Variants in PTPN1 observed in about 807,000 individuals in gnomAD.
The protein encoded by PTPN1 is tyrosine-protein phosphatase non-receptor type 1.
Under a neutral mutation model 59.9 loss-of-function variants are expected in PTPN1, and 12 were observed. That is an observed-to-expected ratio of 0.20 (90% CI 0.13 to 0.32). The LOEUF (loss-of-function observed/expected upper bound fraction) is 0.32, where lower values mean the gene tolerates loss of function less well. Among genes scored for constraint, PTPN1 ranks in the 10% least tolerant of loss-of-function variants. PTPN1 has a pLI of 1.00. For missense variants in PTPN1, 356 were observed against 549.2 expected, an observed-to-expected ratio of 0.65 and a Z score of 3.52; for synonymous variants, 178 against 203.6, an observed-to-expected ratio of 0.87 and a Z score of 1.07.
intron 1 of PTPN1, among the ~76,000 whole-genome samples, chr20:50,517,316 A>G (rs762468640): frequency 2.4e-4 from 36 of 152,268 alleles, no homozygotes; most frequent in Non-Finnish European, 1.2e-4. Context: ...GTGCAGTGGC[A>G]CAATCTTGGC....
intron 1 of PTPN1, among the ~76,000 whole-genome samples, chr20:50,526,357 A>G (rs1478582202): frequency 6.6e-6 from 1 of 152,114 alleles, no homozygotes; most frequent in Admixed American, 6.5e-5. Flanking sequence ...CTGGGATTAC[A>G]GGTGTGAGCC....
intron 6 of PTPN1, 39 bp from the exon 7 acceptor site, chr20:50,579,129 T>C: frequency 6.2e-7 from 1 of 1,606,960 alleles, no homozygotes; most frequent in Non-Finnish European, 8.5e-7. Flanking sequence ...CCCTTGAGAA[T>C]TGGACCTGGC....
chr20:50,530,403 C>T (rs1189402637), intron 1 of PTPN1, among the ~76,000 whole-genome samples: 2 of 152,036 alleles, frequency 1.3e-5, no homozygotes, highest in African/African-American at 4.8e-5. Flanking sequence ...TGTCACCAGG[C>T]TGGAGTATGG....
chr20:50,557,505 G>A (rs867974332), intron 1 of PTPN1, among the ~76,000 whole-genome samples: 9 of 151,908 alleles, frequency 5.9e-5, no homozygotes, highest in South Asian at 4.2e-4. Context: ...CTGCTTCACC[G>A]CCCCCATTTT....
Position 50,583,814 on chromosome 20 carries a change from C to T in PTPN1, c.*1099C>T, listed in dbSNP as rs1212963083. On this transcript the variant is annotated 3_prime_UTR_variant, in exon 10 of 10. Coordinates refer to ENST00000371621, the MANE Select transcript of PTPN1 (RefSeq NM_002827.4). Reference sequence around the variant, plus strand: ...CCAAGGGTATGGGAAGCCATATTCACACCTCACGCTCTGGACATGATTTAG... The same window carrying T: ...CCAAGGGTATGGGAAGCCATATTCATACCTCACGCTCTGGACATGATTTAG... 6.5e-6 allele frequency: 1 copy of T among 152,894 alleles called. No individual in the cohort carries two copies. Among genetic ancestry groups the T allele is most frequent in the Non-Finnish European group, 1.5e-5 (1 of 68,238 alleles). 9.5% of individuals were successfully genotyped at this position (152,894 alleles called of 1,614,324 possible). A position where few individuals can be genotyped will look rare whatever the true frequency, so the allele number is the denominator to read the frequency against.
chr20:50,554,734 G>A (rs1177239192), intron 1 of PTPN1, among the ~76,000 whole-genome samples: 6 of 152,108 alleles, frequency 3.9e-5, no homozygotes, highest in African/African-American at 1.4e-4. Context: ...ACTATTATTT[G>A]AAAGTAGACC....
At chr20:50,565,299 T>C (rs2082773713) in intron 3 of PTPN1, among the ~76,000 whole-genome samples, 1 of 152,228 alleles carries the variant, frequency 6.6e-6, no homozygotes, top group Admixed American at 6.5e-5. Flanking sequence ...TGAGAGCTTA[T>C]AGAAAACAAC....
chr20:50,581,489 G>A (rs201661566), intron 9 of PTPN1, 29 bp downstream of exon 9: 48 of 1,578,866 alleles, frequency 3.0e-5, no homozygotes, highest in African/African-American at 1.3e-4. Flanking sequence ...ACGCGCTGGC[G>A]AGATGCTCGT....
chr20:50,579,349 G>A lies in PTPN1; in HGVS notation c.864+20G>A, dbSNP rs1306059392. Reference sequence around the variant, plus strand: ...GTGCAGGTCAGCATTGCCTTTGTTTGAATCCAGGTGTGACCATTTTAACTT... The same window carrying A: ...GTGCAGGTCAGCATTGCCTTTGTTTAAATCCAGGTGTGACCATTTTAACTT... On this transcript the variant is annotated intron_variant, in intron 7 of 9. Transcript: ENST00000371621. 1.9e-6 allele frequency: 3 copies of A among 1,602,278 alleles called. No individual in the cohort carries two copies. The Admixed American group carries it at 5.1e-5, about 27-fold the overall frequency.
intron 5 of PTPN1, 75 bp from the exon 6 acceptor site, chr20:50,578,345 C>T (rs2082847334): frequency 7.8e-7 from 1 of 1,276,214 alleles, no homozygotes; most frequent in Non-Finnish European, 1.1e-6. Context: ...GAAGGTGACT[C>T]TGTGTGTACT....
intron 4 of PTPN1, 90 bp from the exon 5 acceptor site, chr20:50,574,427 T>A: frequency 7.6e-7 from 1 of 1,318,408 alleles, no homozygotes; most frequent in Non-Finnish European, 1.0e-6. Context: ...CTTTGAGTTA[T>A]CATGAAGCTT....
At chr20:50,562,683 T>C (rs2082758758) in intron 2 of PTPN1, among the ~76,000 whole-genome samples, 1 of 152,200 alleles carries the variant, frequency 6.6e-6, no homozygotes, top group Non-Finnish European at 1.5e-5. Context: ...CAACACATGG[T>C]ACTCTTGATT....
intron 1 of PTPN1, among the ~76,000 whole-genome samples, chr20:50,537,849 T>G (rs1466401919): frequency 6.6e-6 from 1 of 152,202 alleles, no homozygotes; most frequent in East Asian, 1.9e-4. Flanking sequence ...CAAAATGGAC[T>G]GAAGCATCAG....
At chr20:50,559,533 C>A (rs2082741996) in intron 1 of PTPN1, among the ~76,000 whole-genome samples, 1 of 152,158 alleles carries the variant, frequency 6.6e-6, no homozygotes, top group African/African-American at 2.4e-5. Flanking sequence ...TAGAATGGGT[C>A]TGTTTTTATC....
At chr20:50,525,734 CT>C (rs1279521688) in intron 1 of PTPN1, among the ~76,000 whole-genome samples, 1 of 151,500 alleles carries the variant, frequency 6.6e-6, no homozygotes, top group Non-Finnish European at 1.5e-5. Flanking sequence ...GGTATTTTGA[CT>C]ATTTTTTTGA....
chr20:50,554,380 A>ATCTCTCTCTCTCTCTCTCTCTC lies in PTPN1; in HGVS notation c.64-6976_64-6955dup, dbSNP rs1555829975. Among the ~76,000 whole-genome samples the ATCTCTCTCTCTCTCTCTCTCTC allele has an allele frequency of 2.8e-3, 395 of 140,256 alleles. 3 individuals are homozygous for ATCTCTCTCTCTCTCTCTCTCTC. Among genetic ancestry groups the ATCTCTCTCTCTCTCTCTCTCTC allele is most frequent in the African/African-American group, 0.01 (376 of 37,240 alleles). The allele number at this position is 140,256 out of a possible 152,430, so 92.0% of individuals were successfully genotyped here. A position where few individuals can be genotyped will look rare whatever the true frequency, so the allele number is the denominator to read the frequency against. On this transcript the variant is annotated intron_variant, in intron 1 of 9. Transcript: ENST00000371621. ...CCAGCCTAGGCAACAGCAAGACCAC[A>ATCTCTCTCTCTCTCTCTCTCTC]TCTCTCTCTCTCTCTCTCTCTCTCT...
At chr20:50,550,278 T>A (rs2082696665) in intron 1 of PTPN1, among the ~76,000 whole-genome samples, 1 of 152,178 alleles carries the variant, frequency 6.6e-6, no homozygotes, top group Admixed American at 6.5e-5. Context: ...AGATAACCAT[T>A]TGTAGAATGG....
chr20:50,510,502 A>C lies in PTPN1; in HGVS notation c.-26A>C. ...CAGACGGCGCAGTGGGCCGAGAAGG[A>C]GGCGCAGCAGCCGCCCTGGCCCGTC... is the stretch of plus-strand genomic sequence containing the variant. On this transcript the variant is annotated 5_prime_UTR_variant, in exon 1 of 10. Transcript: ENST00000371621. The C allele has an allele frequency of 1.3e-6, 2 of 1,547,632 alleles. No individual in the cohort carries two copies. The highest frequency in any genetic ancestry group is 8.7e-7 in the Non-Finnish European group (1 of 1,145,292).
chr20:50,529,570 T>G (rs565658566), intron 1 of PTPN1, among the ~76,000 whole-genome samples: 1 of 152,246 alleles, frequency 6.6e-6, no homozygotes, highest in Non-Finnish European at 1.5e-5. Flanking sequence ...ATGACACTTT[T>G]GCGTCTGAAA....
Sources: allele counts gnomAD v4.1 joint callset (sites outside exome capture counted in the v4.1 genomes callset), GRCh38; gene constraint gnomAD v4.1.1; transcripts MANE v1.5; gene names NCBI Gene and HGNC (gene_info 2026-07-23, HGNC 2026-07-21).